Variants in RHOU observed in about 807,000 individuals in gnomAD.
RHOU encodes ras homolog family member U, also known as rho-related GTP-binding protein RhoU.
A neutral mutation model predicts 12.6 loss-of-function variants in RHOU; 8 were observed. That is an observed-to-expected ratio of 0.64 (90% CI 0.37 to 1.15). The LOEUF (loss-of-function observed/expected upper bound fraction) is 1.15, where lower values mean the gene tolerates loss of function less well. RHOU is among the 50% of genes most tolerant of loss of function. The pLI is 0.01. For synonymous variants in RHOU, 161 were observed against 147.4 expected, an observed-to-expected ratio of 1.09 and a Z score of -0.67; for missense variants, 258 against 347.0, an observed-to-expected ratio of 0.74 and a Z score of 2.04.
chr1:228,705,782 G>T, the RHOU span, among the ~76,000 whole-genome samples: 1 of 152,154 alleles, frequency 6.6e-6, no homozygotes, highest in Non-Finnish European at 1.5e-5. Flanking sequence ...GGTGGGTCAC[G>T]CCTATAATCC....
the RHOU span, among the ~76,000 whole-genome samples, chr1:228,656,736 T>C: frequency 6.6e-6 from 1 of 151,854 alleles, no homozygotes; most frequent in East Asian, 1.9e-4. Context: ...ACAAAAATAA[T>C]CAAATACAAC....
chr1:228,669,907 A>G, the RHOU span, among the ~76,000 whole-genome samples: 1 of 152,186 alleles, frequency 6.6e-6, no homozygotes, highest in Non-Finnish European at 1.5e-5. Flanking sequence ...TGAGATAGTG[A>G]TTAAAGAACG....
chr1:228,732,802 T>G (rs1199479103), upstream of RHOU, among the ~76,000 whole-genome samples: 1 of 152,122 alleles, frequency 6.6e-6, no homozygotes, highest in East Asian at 1.9e-4. Context: ...CTGAGGCTTA[T>G]CACATTTGTG....
the RHOU span, among the ~76,000 whole-genome samples, chr1:228,700,398 C>G: frequency 1.3e-5 from 2 of 152,148 alleles, no homozygotes; most frequent in Non-Finnish European, 2.9e-5. Flanking sequence ...TGTTAGAGTT[C>G]TGGGAATTTC....
At chr1:228,681,215 C>T in the RHOU span, among the ~76,000 whole-genome samples, 1 of 152,094 alleles carries the variant, frequency 6.6e-6, no homozygotes, top group Non-Finnish European at 1.5e-5. Flanking sequence ...CTCCAGCCAC[C>T]TCTCTAAGAG....
chr1:228,721,479 C>G, the RHOU span, among the ~76,000 whole-genome samples: 1 of 152,162 alleles, frequency 6.6e-6, no homozygotes, highest in Admixed American at 6.5e-5. Context: ...AAGCCAAGCC[C>G]TTGTCCCTTT....
chr1:228,738,960 A>G lies in RHOU; in HGVS notation c.321+1229A>G, dbSNP rs963614968. Among the ~76,000 whole-genome samples the G allele has an allele frequency of 6.6e-6, 1 of 151,810 alleles. No homozygotes were observed. The highest frequency in any genetic ancestry group is 2.4e-5 in the African/African-American group (1 of 41,302). ...AGCAAGACATCATCTCTACAAAATA[A>G]AAAAATTAGCCTGGTGTGGTGGCAC... On this transcript the variant is annotated intron_variant, in intron 2 of 2. Transcript: ENST00000366691. The surrounding 1 kb of genome is among the most constrained non-coding windows in gnomAD (Gnocchi z 4.2).
At chr1:228,714,740 C>CTTTTTTTTTTTTTTT in the RHOU span, among the ~76,000 whole-genome samples, 1 of 83,688 alleles carries the variant, frequency 1.2e-5, no homozygotes, top group Non-Finnish European at 2.2e-5. Flanking sequence ...TGTTAATTAT[C>CTTTTTTTTTTTTTTT]TTTTTTTTTT....
chr1:228,743,201 C>A lies in RHOU; in HGVS notation c.322-84C>A. 8.0e-7 allele frequency: 1 copy of A among 1,247,736 alleles called. No individual in the cohort carries two copies. Among genetic ancestry groups the A allele is most frequent in the Non-Finnish European group, 1.2e-6 (1 of 864,998 alleles). The allele number at this position is 1,247,736 out of a possible 1,614,324, so 77.3% of individuals were successfully genotyped here. A position where few individuals can be genotyped will look rare whatever the true frequency, so the allele number is the denominator to read the frequency against. ...GCGGGTCTTCTATCACCTGCCAGAC[C>A]CTTTCATGAAAAATGTGAAGGTGAT... On this transcript the variant is annotated intron_variant, in intron 2 of 2. Coordinates refer to ENST00000366691, the MANE Select transcript of RHOU (RefSeq NM_021205.6). This position sits in a 1 kb window ranked among gnomAD's most constrained non-coding sequence, Gnocchi z 5.1.
chr1:228,687,802 T>C, the RHOU span: 3 of 1,316,564 alleles, frequency 2.3e-6, no homozygotes, highest in African/African-American at 1.4e-5. Flanking sequence ...AAGCACACCC[T>C]GGGGGACAGT....
At chr1:228,677,448 G>A in the RHOU span, among the ~76,000 whole-genome samples, 2 of 152,038 alleles carry the variant, frequency 1.3e-5, no homozygotes, top group Non-Finnish European at 2.9e-5. Flanking sequence ...CATATACCAG[G>A]CCAGATTGAT....
chr1:228,668,885 C>G, the RHOU span, among the ~76,000 whole-genome samples: 2 of 152,224 alleles, frequency 1.3e-5, no homozygotes, highest in Non-Finnish European at 2.9e-5. Flanking sequence ...TTCTGACTTT[C>G]TGTCCTATCG....
At chr1:228,720,831 C>G in the RHOU span, among the ~76,000 whole-genome samples, 1 of 152,100 alleles carries the variant, frequency 6.6e-6, no homozygotes, top group East Asian at 1.9e-4. Flanking sequence ...ACATGTAGGC[C>G]CCTCTGACCA....
the RHOU span, among the ~76,000 whole-genome samples, chr1:228,681,660 G>C: frequency 6.6e-6 from 1 of 152,108 alleles, no homozygotes; most frequent in Admixed American, 6.6e-5. Flanking sequence ...TGGCCATTTA[G>C]AACCATTGTC....
At chr1:228,733,672 T>G (rs1333671112), upstream of RHOU, among the ~76,000 whole-genome samples, 1 of 152,242 alleles carries the variant, frequency 6.6e-6, no homozygotes, top group African/African-American at 2.4e-5. Context: ...TCTCAAGCTC[T>G]GCTACTCTTG....
At chr1:228,702,561 G>A in the RHOU span, among the ~76,000 whole-genome samples, 217 of 152,068 alleles carry the variant, frequency 1.4e-3, 1 homozygote, top group African/African-American at 4.8e-3. Flanking sequence ...CCAGAGGCTC[G>A]GAAAACAAAA....
At chr1:228,736,800 A>AT (rs1261101155) in intron 1 of RHOU, among the ~76,000 whole-genome samples, 1 of 152,078 alleles carries the variant, frequency 6.6e-6, no homozygotes, top group Non-Finnish European at 1.5e-5. Flanking sequence ...ATTCACAGAA[A>AT]CTAGTATGAA....
chr1:228,720,580 T>C, the RHOU span, among the ~76,000 whole-genome samples: 1 of 152,172 alleles, frequency 6.6e-6, no homozygotes, highest in African/African-American at 2.4e-5. Flanking sequence ...AAGGACCCTG[T>C]GAAGACGTGA....
chr1:228,744,754 C>T lies in RHOU; in HGVS notation c.*1014C>T, dbSNP rs1177561216. 2.6e-5 allele frequency: 4 copies of T among 152,292 alleles called. No homozygotes were observed. In the East Asian group the frequency reaches 5.8e-4, roughly 22 times the overall value. 9.4% of individuals were successfully genotyped at this position (152,292 alleles called of 1,614,324 possible). A position where few individuals can be genotyped will look rare whatever the true frequency, so the allele number is the denominator to read the frequency against. ...ACTTCTCTGTGTGCACACCCATGCA[C>T]ACTCATGCACACAGATACATAGGTC... On this transcript the variant is annotated 3_prime_UTR_variant, in exon 3 of 3. Transcript: ENST00000366691.
Sources: allele counts gnomAD v4.1 joint callset (sites outside exome capture counted in the v4.1 genomes callset), GRCh38; gene constraint gnomAD v4.1.1; non-coding constraint Gnocchi (gnomAD v3.1); transcripts MANE v1.5; gene names NCBI Gene and HGNC (gene_info 2026-07-23, HGNC 2026-07-21).